RAB28: variants seen among roughly 807,000 people sequenced by gnomAD.
RAB28 encodes the protein RAB28, member RAS oncogene family.
RAB28 carries 24 observed loss-of-function variants against 31.7 expected under a neutral mutation model. The ratio of observed to expected loss-of-function variants is 0.76; its 90% CI spans 0.55 to 1.06. RAB28 has a LOEUF of 1.06. RAB28 is among the 50% of genes least tolerant of loss of function. The pLI, the probability that RAB28 is intolerant of heterozygous loss-of-function variation, is 0.00. For synonymous variants in RAB28, 100 were observed against 90.4 expected, an observed-to-expected ratio of 1.11 and a Z score of -0.60; for missense variants, 254 against 258.5, an observed-to-expected ratio of 0.98 and a Z score of 0.12.
At chr4:13,380,458 T>C (rs1335675648) in intron 5 of RAB28, among the ~76,000 whole-genome samples, 1 of 151,612 alleles carries the variant, frequency 6.6e-6, no homozygotes, top group African/African-American at 2.4e-5. Flanking sequence ...AATTTCTAAA[T>C]ACAATAGAAA....
At chr4:13,426,657 T>G (rs1383382626) in intron 4 of RAB28, among the ~76,000 whole-genome samples, 1 of 152,208 alleles carries the variant, frequency 6.6e-6, no homozygotes, top group Non-Finnish European at 1.5e-5. Flanking sequence ...TATTCATTTT[T>G]AATTCCTAGT....
chr4:13,414,371 A>G (rs556009573), intron 4 of RAB28, among the ~76,000 whole-genome samples: 1 of 152,332 alleles, frequency 6.6e-6, no homozygotes, highest in East Asian at 1.9e-4. Flanking sequence ...TCTAGATCAA[A>G]TCATCCATGA....
intron 4 of RAB28, among the ~76,000 whole-genome samples, chr4:13,442,645 T>C (rs999198504): frequency 1.3e-5 from 2 of 152,052 alleles, no homozygotes; most frequent in Non-Finnish European, 2.9e-5. Context: ...TATATATATT[T>C]AGCAGGACCT....
intron 4 of RAB28, among the ~76,000 whole-genome samples, chr4:13,409,259 C>T (rs1290810656): frequency 4.6e-5 from 7 of 152,118 alleles, no homozygotes; most frequent in South Asian, 2.1e-4. Context: ...TCAATTCCAA[C>T]GAAGAATCAC....
rs1715741389 is a variant in RAB28, at chr4:13,464,367, A to G, written c.262-3539T>C. Reference sequence around the variant, plus strand: ...GCAGAATAAATGGCTTAATCAGAACATTGTATTCCATCTGGAAAGGGAAGT... The same window carrying G: ...GCAGAATAAATGGCTTAATCAGAACGTTGTATTCCATCTGGAAAGGGAAGT... On this transcript the variant is annotated intron_variant, in intron 3 of 6. Coordinates refer to ENST00000330852, the MANE Select transcript of RAB28 (RefSeq NM_001017979.3). 2.0e-5 allele frequency among the ~76,000 whole-genome samples: 3 copies of G among 152,104 alleles called. No homozygotes were observed. The South Asian group carries it at 6.2e-4, about 31-fold the overall frequency.
chr4:13,384,122 G>C (rs1729257609), intron 4 of RAB28, among the ~76,000 whole-genome samples: 1 of 152,274 alleles, frequency 6.6e-6, no homozygotes, highest in African/African-American at 2.4e-5. Flanking sequence ...ACTGCCGCAA[G>C]AGTGAAACTA....
chr4:13,368,583 C>T lies in RAB28; in HGVS notation c.641G>A (p.Arg214Lys), dbSNP rs1172595118. 6.2e-7 allele frequency: 1 copy of T among 1,612,158 alleles called. No individual in the cohort carries two copies. Among genetic ancestry groups the T allele is most frequent in the Non-Finnish European group, 8.5e-7 (1 of 1,179,014 alleles). Residue 214 changes from arginine (R) to lysine (K), a missense_variant, in exon 7 of 7, where the codon AGA becomes AAA. Transcript: ENST00000330852. Reference sequence around the variant, plus strand: ...TCACTGAACTGCACACATAGAGCTTCTAGGAGGGTTAACAGTCCTTGACAT... The same window carrying T: ...TCACTGAACTGCACACATAGAGCTTTTAGGAGGGTTAACAGTCCTTGACAT... The part of the protein sequence containing the change: ...EPMSRTVNPP[R>K]SSMCAVQ
Position 13,406,194 on chromosome 4 carries a change from C to T in RAB28, c.392-24600G>A, listed in dbSNP as rs186536828. ...AGGCCCCGGTGTGTGATGTTCCCCT[C>T]CCTGTGTCCATGTGTTCTTATTGTT... On this transcript the variant is annotated intron_variant, in intron 4 of 6. Transcript: ENST00000330852. 2.7e-3 allele frequency among the ~76,000 whole-genome samples: 404 copies of T among 152,208 alleles called. 2 individuals are homozygous for T. The highest frequency in any genetic ancestry group is 4.9e-3 in the Non-Finnish European group (334 of 68,022).
At chr4:13,475,080 G>A (rs1262464288) in intron 2 of RAB28, among the ~76,000 whole-genome samples, 1 of 151,564 alleles carries the variant, frequency 6.6e-6, no homozygotes, top group Non-Finnish European at 1.5e-5. Flanking sequence ...CCTGTTCAAA[G>A]TATTTCCATT....
intron 4 of RAB28, among the ~76,000 whole-genome samples, chr4:13,415,750 C>A (rs1712736408): frequency 6.6e-6 from 1 of 152,202 alleles, no homozygotes; most frequent in African/African-American, 2.4e-5. Flanking sequence ...AATGACCACG[C>A]AAAGGCTGAG....
chr4:13,418,752 G>A (rs528087345), intron 4 of RAB28, among the ~76,000 whole-genome samples: 2 of 152,280 alleles, frequency 1.3e-5, no homozygotes, highest in East Asian at 3.9e-4. Flanking sequence ...CCTGAAGGAA[G>A]CACTAAACAT....
intron 4 of RAB28, among the ~76,000 whole-genome samples, chr4:13,409,999 G>A (rs993521996): frequency 2.0e-5 from 3 of 151,916 alleles, no homozygotes; most frequent in South Asian, 2.1e-4. Flanking sequence ...GTGCTATCTC[G>A]TGATGGAATA....
intron 3 of RAB28, among the ~76,000 whole-genome samples, chr4:13,464,933 TGCAA>T (rs1243910143): frequency 6.6e-6 from 1 of 151,674 alleles, no homozygotes; most frequent in African/African-American, 2.4e-5. Flanking sequence ...GAAAACAACA[TGCAA>T]GCACAGATAG....
chr4:13,444,984 G>C (rs1714623027), intron 4 of RAB28, among the ~76,000 whole-genome samples: 1 of 151,944 alleles, frequency 6.6e-6, no homozygotes, highest in South Asian at 2.1e-4. Flanking sequence ...TCCCAACTTG[G>C]TTCCATTCTC....
At chr4:13,444,676 T>C (rs760039668) in intron 4 of RAB28, among the ~76,000 whole-genome samples, 14 of 152,252 alleles carry the variant, frequency 9.2e-5, no homozygotes, top group Non-Finnish European at 1.9e-4. Context: ...CCTTTTGTCT[T>C]TTTGATAACA....
chr4:13,422,266 G>A (rs965293691), intron 4 of RAB28, among the ~76,000 whole-genome samples: 6 of 152,224 alleles, frequency 3.9e-5, no homozygotes, highest in East Asian at 1.9e-4. Context: ...TGGAGAGGAC[G>A]TGGAGAAATA....
At chr4:13,470,963 C>T (rs1054034767) in intron 3 of RAB28, among the ~76,000 whole-genome samples, 1 of 152,070 alleles carries the variant, frequency 6.6e-6, no homozygotes, top group Non-Finnish European at 1.5e-5. Context: ...TCCAAGTTAA[C>T]TCCCAGCCTA....
At chr4:13,450,672 G>A (rs1714922752) in intron 4 of RAB28, among the ~76,000 whole-genome samples, 1 of 151,878 alleles carries the variant, frequency 6.6e-6, no homozygotes, top group Non-Finnish European at 1.5e-5. Context: ...ATAAGAATAT[G>A]CAGATAACTG....
intron 4 of RAB28, among the ~76,000 whole-genome samples, chr4:13,398,549 T>C (rs1158349748): frequency 6.6e-6 from 1 of 152,102 alleles, no homozygotes; most frequent in East Asian, 1.9e-4. Context: ...GAGGCAAAGA[T>C]GGGCGGATCA....
Sources: allele counts gnomAD v4.1 joint callset (sites outside exome capture counted in the v4.1 genomes callset), GRCh38; gene constraint gnomAD v4.1.1; transcripts MANE v1.5; gene names NCBI Gene and HGNC (gene_info 2026-07-23, HGNC 2026-07-21).